The following RABGAP1L variants were observed in gnomAD, a reference collection of about 807,000 sequenced individuals.
RABGAP1L encodes the protein RAB GTPase activating protein 1 like, also known as rab GTPase-activating protein 1-like.
Under a neutral mutation model 137.7 loss-of-function variants are expected in RABGAP1L, and 63 were observed. The ratio of observed to expected loss-of-function variants is 0.46; its 90% CI spans 0.37 to 0.56. RABGAP1L has a LOEUF of 0.56. Among genes scored for constraint, RABGAP1L ranks in the 20% least tolerant of loss-of-function variants. The pLI is 0.00. For synonymous variants in RABGAP1L, 431 were observed against 433.7 expected (o/e 0.99, Z 0.08); for missense variants, 1,095 against 1,244.0 (o/e 0.88, Z 1.80).
chr1:174,588,304 C>G (rs1454855607), intron 13 of RABGAP1L, among the ~76,000 whole-genome samples: 1 of 152,070 alleles, frequency 6.6e-6, no homozygotes, highest in Non-Finnish European at 1.5e-5. Context: ...GCCAAGATTA[C>G]AGGCATGCAC....
At chr1:174,937,650 C>T (rs1474798089) in intron 19 of RABGAP1L, among the ~76,000 whole-genome samples, 2 of 72,228 alleles carry the variant, frequency 2.8e-5, no homozygotes, top group African/African-American at 1.9e-4. Flanking sequence ...CAGTTAGAAA[C>T]TGTCATAAAT....
At chr1:174,183,292 C>G (rs896503495) in intron 1 of RABGAP1L, among the ~76,000 whole-genome samples, 1 of 152,118 alleles carries the variant, frequency 6.6e-6, no homozygotes. Context: ...CAGGCCCTGC[C>G]GTGGTGAAGA....
At chr1:174,903,325 A>T (rs1171671939) in intron 19 of RABGAP1L, among the ~76,000 whole-genome samples, 1 of 152,248 alleles carries the variant, frequency 6.6e-6, no homozygotes, top group Non-Finnish European at 1.5e-5. Flanking sequence ...TGGGTTTATG[A>T]AATGTGCATC....
At chr1:174,230,998 TA>T in intron 3 of RABGAP1L, 146 bp from the exon 4 acceptor site, 1 of 594,600 alleles carries the variant, frequency 1.7e-6, no homozygotes, top group Non-Finnish European at 2.8e-6. Flanking sequence ...TTTTAAATCC[TA>T]AAATTTTAAA....
intron 13 of RABGAP1L, among the ~76,000 whole-genome samples, chr1:174,492,917 C>T (rs1345355966): frequency 6.6e-6 from 1 of 151,888 alleles, no homozygotes; most frequent in African/African-American, 2.4e-5. Flanking sequence ...GTTTCCATAG[C>T]ACCTTGTACT....
At chr1:174,776,991 A>G (rs1053060595) in intron 18 of RABGAP1L, among the ~76,000 whole-genome samples, 6 of 152,238 alleles carry the variant, frequency 3.9e-5, no homozygotes, top group African/African-American at 1.2e-4. Flanking sequence ...CTTCCAAGTT[A>G]TCAAAGGCAG....
chr1:174,430,409 C>T (rs760626217), intron 13 of RABGAP1L, among the ~76,000 whole-genome samples: 32 of 152,128 alleles, frequency 2.1e-4, no homozygotes, highest in Non-Finnish European at 2.8e-4. Context: ...TTATAGCACC[C>T]TCATGATTTT....
intron 13 of RABGAP1L, among the ~76,000 whole-genome samples, chr1:174,530,947 G>C (rs1267568779): frequency 4.6e-5 from 7 of 151,966 alleles, no homozygotes; most frequent in African/African-American, 1.2e-4. Context: ...AAATGAAGTT[G>C]AGCATATCTC....
intron 18 of RABGAP1L, chr1:174,756,772 GT>G (rs1684799286): frequency 2.3e-6 from 1 of 432,400 alleles, no homozygotes; most frequent in Non-Finnish European, 4.5e-6. Context: ...CTTTTCCTTT[GT>G]TGAGGACAGG....
intron 14 of RABGAP1L, among the ~76,000 whole-genome samples, chr1:174,674,011 C>G (rs1032159883): frequency 1.8e-4 from 28 of 151,868 alleles, no homozygotes; most frequent in Admixed American, 8.5e-4. Flanking sequence ...ATAAATTATA[C>G]CTCCATAAAC....
In RABGAP1L at chr1:174,958,072, A is replaced by C. The variant is rs1574007345; in HGVS notation, c.2433+523A>C. On this transcript the variant is annotated intron_variant, in intron 20 of 25. Transcript: ENST00000681986. ...TATCCACAAAGACTTTTAGCAGGTGAACTGTTCCAAGACTGACACAAGGAT... is the reference window on the plus strand; with the variant it reads ...TATCCACAAAGACTTTTAGCAGGTGCACTGTTCCAAGACTGACACAAGGAT... The C allele has an allele frequency of 1.3e-5, 20 of 1,521,746 alleles. No homozygotes were observed. The East Asian group carries it at 4.7e-4, about 36-fold the overall frequency. 94.3% of individuals were successfully genotyped at this position (1,521,746 alleles called of 1,614,324 possible).
At chr1:174,408,533 G>T (rs77159543) in intron 13 of RABGAP1L, among the ~76,000 whole-genome samples, 2 of 32,202 alleles carry the variant, frequency 6.2e-5, no homozygotes, top group African/African-American at 1.9e-3. Context: ...ACATGCAAAC[G>T]TGTGTCTTTT....
intron 13 of RABGAP1L, among the ~76,000 whole-genome samples, chr1:174,549,947 G>A (rs1223433659): frequency 6.6e-6 from 1 of 152,142 alleles, no homozygotes; most frequent in South Asian, 2.1e-4. Context: ...TGGGAGCATT[G>A]CTTGAGCCCA....
At chr1:174,288,857 G>A (rs1288711001) in intron 10 of RABGAP1L, among the ~76,000 whole-genome samples, 1 of 151,982 alleles carries the variant, frequency 6.6e-6, no homozygotes, top group Admixed American at 6.6e-5. Flanking sequence ...TTGCTCGATG[G>A]TGTTCCAGGT....
chr1:174,493,047 C>T (rs1437330588), intron 13 of RABGAP1L, among the ~76,000 whole-genome samples: 1 of 151,180 alleles, frequency 6.6e-6, no homozygotes, highest in Non-Finnish European at 1.5e-5. Flanking sequence ...CATTCCCAGG[C>T]TTGGCATAAT....
chr1:174,450,502 A>T (rs1381174259), intron 13 of RABGAP1L, among the ~76,000 whole-genome samples: 2 of 152,212 alleles, frequency 1.3e-5, no homozygotes, highest in African/African-American at 4.8e-5. Flanking sequence ...TTATTTAGAT[A>T]TTTATATTAG....
At chr1:174,291,603 A>G (rs1341425029) in intron 10 of RABGAP1L, among the ~76,000 whole-genome samples, 2 of 152,184 alleles carry the variant, frequency 1.3e-5, no homozygotes, top group Non-Finnish European at 2.9e-5. Context: ...CTTTATGGGA[A>G]GCCTTTTAAA....
At chr1:174,249,935 G>T (rs1022715334) in intron 5 of RABGAP1L, among the ~76,000 whole-genome samples, 4 of 152,088 alleles carry the variant, frequency 2.6e-5, no homozygotes, top group Non-Finnish European at 5.9e-5. Flanking sequence ...GAGCCACTGT[G>T]CCCGGCCCTC....
At chr1:174,436,296 C>CCA (rs1298233675) in intron 13 of RABGAP1L, among the ~76,000 whole-genome samples, 1 of 152,222 alleles carries the variant, frequency 6.6e-6, no homozygotes, top group Non-Finnish European at 1.5e-5. Flanking sequence ...TCCTGTTTCT[C>CCA]CACATCCTCT....
Sources: allele counts gnomAD v4.1 joint callset (sites outside exome capture counted in the v4.1 genomes callset), GRCh38; gene constraint gnomAD v4.1.1; transcripts MANE v1.5; gene names NCBI Gene and HGNC (gene_info 2026-07-23, HGNC 2026-07-21).